DLC1: variants seen among roughly 807,000 people sequenced by gnomAD.
DLC1 encodes the protein DLC1 Rho GTPase activating protein, also known as rho GTPase-activating protein 7.
In DLC1, 54 loss-of-function variants were observed where a neutral mutation model predicts 140.3. That is an observed-to-expected ratio of 0.38 (90% CI 0.31 to 0.48). The LOEUF is 0.48. Among genes scored for constraint, DLC1 ranks in the 20% least tolerant of loss-of-function variants. The pLI, the probability that DLC1 is intolerant of heterozygous loss-of-function variation, is 0.96. For missense variants in DLC1, 2,536 were observed against 1,907.0 expected, an observed-to-expected ratio of 1.33 and a Z score of -6.14; for synonymous variants, 986 against 728.1, an observed-to-expected ratio of 1.35 and a Z score of -5.70.
chr8:13,432,754 A>G (rs1838941277), intron 2 of DLC1, among the ~76,000 whole-genome samples: 1 of 152,088 alleles, frequency 6.6e-6, no homozygotes, highest in Non-Finnish European at 1.5e-5. Context: ...GTTCCAGTAG[A>G]GTGGTGAAGA....
chr8:13,378,264 TA>T (rs1563297694), intron 4 of DLC1, among the ~76,000 whole-genome samples: 2 of 151,020 alleles, frequency 1.3e-5, no homozygotes, highest in South Asian at 4.2e-4. Flanking sequence ...TTAGTAATTG[TA>T]AAAGTCTACC....
At chr8:13,218,022 G>T (rs191700314) in intron 5 of DLC1, among the ~76,000 whole-genome samples, 9 of 152,146 alleles carry the variant, frequency 5.9e-5, no homozygotes, top group African/African-American at 2.2e-4. Context: ...CCCTTGAATG[G>T]AGTCCTCTCT....
intron 5 of DLC1, among the ~76,000 whole-genome samples, chr8:13,283,169 C>G (rs1831423511): frequency 6.6e-6 from 1 of 151,982 alleles, no homozygotes. Context: ...ACTTTTTTGA[C>G]CATAGTATTA....
At position 13,380,762 on chromosome 8, in the gene DLC1, A is replaced by G. The variant is rs1836214144; in HGVS notation, c.1314+12791T>C. ...CCCAAACCCTAAGGGGACAAATTCG[A>G]TATCAAAGTAAGTAGTGAGATAGAC... On this transcript the variant is annotated intron_variant, in intron 4 of 17. Coordinates refer to ENST00000276297, the MANE Select transcript of DLC1 (RefSeq NM_182643.3). Among the ~76,000 whole-genome samples the G allele has an allele frequency of 1.3e-5, 2 of 152,204 alleles. 1 individual carries two copies. The highest frequency in any genetic ancestry group is 4.1e-4 in the South Asian group (2 of 4,828).
intron 4 of DLC1, among the ~76,000 whole-genome samples, chr8:13,360,560 G>A (rs1011754874): frequency 6.6e-6 from 1 of 152,130 alleles, no homozygotes; most frequent in Non-Finnish European, 1.5e-5. Context: ...CTGGGCTTGG[G>A]CATTGGGATT....
chr8:13,514,851 T>C lies in DLC1; in HGVS notation c.-375A>G. The C allele has an allele frequency of 2.6e-6, 1 of 389,732 alleles. No individual in the cohort carries two copies. The highest frequency in any genetic ancestry group is 4.5e-6 in the Non-Finnish European group (1 of 220,918). 24.1% of individuals were successfully genotyped at this position (389,732 alleles called of 1,614,324 possible). On this transcript the variant is annotated 5_prime_UTR_variant, in exon 1 of 18. Transcript: ENST00000276297. ...TGACTTCTGTCTACTAAATTCAGACTGAGGTTTTGCAAAAGGGGCCTCCAC... is the reference window on the plus strand; with the variant it reads ...TGACTTCTGTCTACTAAATTCAGACCGAGGTTTTGCAAAAGGGGCCTCCAC...
At chr8:13,103,856 A>AG (rs1398088726) in intron 7 of DLC1, among the ~76,000 whole-genome samples, 7 of 138,050 alleles carry the variant, frequency 5.1e-5, no homozygotes, top group African/African-American at 1.8e-4. Flanking sequence ...AAAAAAAAAA[A>AG]AAAGAAAGAA....
rs189136699 is a variant in DLC1 at position 13,464,138 on chromosome 8, A to T, written c.1023+34911T>A. 2.6e-3 allele frequency among the ~76,000 whole-genome samples: 395 copies of T among 152,280 alleles called. 2 individuals carry two copies. The highest frequency in any genetic ancestry group is 8.7e-3 in the African/African-American group (362 of 41,550). On this transcript the variant is annotated intron_variant, in intron 2 of 17. Transcript: ENST00000276297. Reference sequence around the variant, plus strand: ...TGGATTTCTTGGAGGACACAGAGAAACAAAGCTTCTTAAAACCCTGGGCTT... The same window carrying T: ...TGGATTTCTTGGAGGACACAGAGAATCAAAGCTTCTTAAAACCCTGGGCTT...
chr8:13,112,981 G>A (rs1820242034), intron 6 of DLC1, among the ~76,000 whole-genome samples: 2 of 152,126 alleles, frequency 1.3e-5, no homozygotes, highest in Non-Finnish European at 2.9e-5. Context: ...ACCTATATGT[G>A]AGAAAGTAAC....
At chr8:13,562,169 C>G (rs972719541) in intron 1 of DLC1, among the ~76,000 whole-genome samples, 4 of 151,742 alleles carry the variant, frequency 2.6e-5, no homozygotes, top group Admixed American at 2.6e-4. Context: ...AAATAACTAA[C>G]AAAATAAAAT....
chr8:13,518,544 T>C (rs531326272), upstream of DLC1, among the ~76,000 whole-genome samples: 344 of 152,378 alleles, frequency 2.3e-3, no homozygotes, highest in African/African-American at 7.9e-3. Flanking sequence ...GTGTCTCTCA[T>C]GCAGTTCAAG....
chr8:13,492,745 G>A lies in DLC1; in HGVS notation c.1023+6304C>T, dbSNP rs148197823. ...TATTTATTGATTGATTTTACCAGAC[G>A]CTATACCTAGCGTTTTCATTTATCT... On this transcript the variant is annotated intron_variant, in intron 2 of 17. Transcript: ENST00000276297. Among the ~76,000 whole-genome samples the A allele has an allele frequency of 4.4e-3, 676 of 152,226 alleles. 6 individuals are homozygous for A. The highest frequency in any genetic ancestry group is 0.016 in the African/African-American group (646 of 41,552).
At chr8:13,563,426 C>G (rs1052267306) in intron 1 of DLC1, among the ~76,000 whole-genome samples, 1 of 152,052 alleles carries the variant, frequency 6.6e-6, no homozygotes, top group Non-Finnish European at 1.5e-5. Flanking sequence ...AAATGATGTA[C>G]AGAAACTATA....
intron 2 of DLC1, among the ~76,000 whole-genome samples, chr8:13,422,669 T>C (rs1022102576): frequency 2.0e-5 from 3 of 152,154 alleles, no homozygotes; most frequent in Non-Finnish European, 2.9e-5. Flanking sequence ...CTGGGGTTTA[T>C]TTTCTTTTAT....
chr8:13,250,108 C>G (rs1161773174), intron 5 of DLC1, among the ~76,000 whole-genome samples: 1 of 152,190 alleles, frequency 6.6e-6, no homozygotes, highest in Non-Finnish European at 1.5e-5. Context: ...TCCCCATTGC[C>G]TGGCACAATC....
chr8:13,538,399 A>G (rs1803367889), intron 1 of DLC1, among the ~76,000 whole-genome samples: 1 of 151,936 alleles, frequency 6.6e-6, no homozygotes, highest in African/African-American at 2.4e-5. Flanking sequence ...CGAATATTTC[A>G]GATCTGGTGA....
chr8:13,418,855 T>G (rs1486500726), intron 2 of DLC1, among the ~76,000 whole-genome samples: 2 of 152,070 alleles, frequency 1.3e-5, no homozygotes, highest in Non-Finnish European at 2.9e-5. Flanking sequence ...AGCATGGAAT[T>G]TTCTTCCATT....
At chr8:13,413,598 T>C (rs557243795) in intron 2 of DLC1, among the ~76,000 whole-genome samples, 17 of 151,974 alleles carry the variant, frequency 1.1e-4, no homozygotes, top group African/African-American at 3.9e-4. Flanking sequence ...TCCCCAGGTG[T>C]TGAGGGAGGG....
At chr8:13,481,100 A>G (rs13258883) in intron 2 of DLC1, among the ~76,000 whole-genome samples, 71,084 of 151,900 alleles carry the variant, frequency 0.47, 17,323 homozygotes, top group Non-Finnish European at 0.53. Flanking sequence ...TGGAAAGACA[A>G]TAAATTTAAC....
Sources: allele counts gnomAD v4.1 joint callset (sites outside exome capture counted in the v4.1 genomes callset), GRCh38; gene constraint gnomAD v4.1.1; transcripts MANE v1.5; gene names NCBI Gene and HGNC (gene_info 2026-07-23, HGNC 2026-07-21).